Variants in HTT observed in about 807,000 individuals in gnomAD.
The protein encoded by HTT is huntingtin, also known as huntington disease protein.
In HTT, 104 loss-of-function variants were observed where a neutral mutation model predicts 362.3. That is an observed-to-expected ratio of 0.29 (90% CI 0.24 to 0.34). The LOEUF (loss-of-function observed/expected upper bound fraction) is 0.34, where lower values mean the gene tolerates loss of function less well. Among genes scored for constraint, HTT ranks in the 10% least tolerant of loss-of-function variants. The probability of loss-of-function intolerance (pLI) is 1.00; values close to 1 mark genes in which losing one functional copy is unlikely to be tolerated. For missense variants in HTT, 3,301 were observed against 3,928.6 expected (o/e 0.84, Z 4.27); for synonymous variants, 1,577 against 1,548.7 (o/e 1.02, Z -0.43).
chr4:3,211,277 T>G (rs1014461422), intron 47 of HTT, among the ~76,000 whole-genome samples: 3 of 152,248 alleles, frequency 2.0e-5, no homozygotes, highest in African/African-American at 7.2e-5. Flanking sequence ...GTGATCTGTT[T>G]ATTAGGTTTT....
chr4:3,222,263 AGGGACTCACTGCCCTT>A, intron 53 of HTT, 108 bp from the exon 54 acceptor site: 2 of 689,170 alleles, frequency 2.9e-6, no homozygotes, highest in Admixed American at 4.9e-5. Context: ...GTGAGGTTTA[AGGGACTCACTGCCCTT>A]GGCGTGGAGC....
rs148713555 is a variant in HTT at position 3,230,126 on chromosome 4, C to T, written c.8265+84C>T. On this transcript the variant is annotated intron_variant, in intron 60 of 66. Coordinates refer to ENST00000355072, the MANE Select transcript of HTT (RefSeq NM_001388492.1). The stretch of plus-strand genomic sequence containing the variant: ...GGGACCTGGTGTTGGCCAGAGGTGC[C>T]GGGTGCGGCTGCCTCCTTCCAAGAG... 57 of 1,212,388 alleles carry T rather than the reference C, an allele frequency of 4.7e-5. No individual in the cohort carries two copies. In the Middle Eastern group the frequency reaches 1.0e-3, roughly 22 times the overall value. The allele number at this position is 1,212,388 out of a possible 1,614,324, so 75.1% of individuals were successfully genotyped here. A position where few individuals can be genotyped will look rare whatever the true frequency, so the allele number is the denominator to read the frequency against.
At chr4:3,234,290 C>T (rs1012889126) in intron 61 of HTT, among the ~76,000 whole-genome samples, 3 of 152,244 alleles carry the variant, frequency 2.0e-5, no homozygotes, top group African/African-American at 7.2e-5. Context: ...TGCCCTCATC[C>T]AGGCCAGAGT....
intron 36 of HTT, among the ~76,000 whole-genome samples, 191 bp from the exon 37 acceptor site, chr4:3,182,163 G>A (rs749153252): frequency 5.3e-5 from 8 of 152,278 alleles, no homozygotes; most frequent in African/African-American, 9.6e-5. Flanking sequence ...CTTGTGTTTC[G>A]TTCTGATTCC....
chr4:3,127,186 C>A, intron 11 of HTT, 78 bp from the exon 12 acceptor site: 2 of 1,051,024 alleles, frequency 1.9e-6, no homozygotes, highest in South Asian at 1.4e-5. Context: ...TGGAACTGTT[C>A]GTTATTTTGC....
intron 47 of HTT, 104 bp downstream of exon 47, chr4:3,210,053 G>C: frequency 7.1e-7 from 1 of 1,417,196 alleles, no homozygotes; most frequent in Non-Finnish European, 9.7e-7. Flanking sequence ...AACACATGTT[G>C]GGGACTCCAG....
At chr4:3,226,354 A>G (rs959547292) in intron 57 of HTT, among the ~76,000 whole-genome samples, 1 of 152,184 alleles carries the variant, frequency 6.6e-6, no homozygotes. Flanking sequence ...CCTGTAATCT[A>G]TAACATTTTA....
Position 3,131,720 on chromosome 4 carries a change from G to T in HTT, c.2181G>T (p.Pro727=), listed in dbSNP as rs201616388. 1 of 1,614,000 alleles carries T rather than the reference G, an allele frequency of 6.2e-7. No individual in the cohort carries two copies. The highest frequency in any genetic ancestry group is 2.2e-5 in the East Asian group (1 of 44,890). ...TGGGAGCAGCTGTGGCCCTCCACCCGGAATCTTTCTTCAGCAAACTCTATA... is the reference window on the plus strand; with the variant it reads ...TGGGAGCAGCTGTGGCCCTCCACCCTGAATCTTTCTTCAGCAAACTCTATA... ...SCVGAAVALH[P]ESFFSKLYKV... Residue 727 remains proline, a synonymous_variant, in exon 16 of 67, where the codon CCG becomes CCT. Coordinates refer to ENST00000355072, the MANE Select transcript of HTT (RefSeq NM_001388492.1).
chr4:3,127,623 C>T lies in HTT; in HGVS notation c.1743+19C>T, dbSNP rs996314939. ...TGAAATTGTAAGTGGGCAGAGGGGC[C>T]TGACATCTTTTTTTTTATTTTTTAT... On this transcript the variant is annotated intron_variant, in intron 12 of 66. Transcript: ENST00000355072. 6.5e-6 allele frequency: 10 copies of T among 1,546,478 alleles called. No homozygotes were observed. The African/African-American group carries it at 9.6e-5, about 15-fold the overall frequency.
At chr4:3,094,224 G>A (rs1367075123) in intron 2 of HTT, among the ~76,000 whole-genome samples, 1 of 151,934 alleles carries the variant, frequency 6.6e-6, no homozygotes, top group Non-Finnish European at 1.5e-5. Context: ...CAGAGAGCAC[G>A]GGGTTGGGGG....
Position 3,113,504 on chromosome 4 carries a change from A to G in HTT, c.748-1800A>G, listed in dbSNP as rs531024049. ...ACCACCATGCCTGGCTAATGTTTGT[A>G]TTTTTAGTAGAGACGGGGTTTCACC... is the stretch of plus-strand genomic sequence containing the variant. On this transcript the variant is annotated intron_variant, in intron 6 of 66. Transcript: ENST00000355072. Among the ~76,000 whole-genome samples, 4 of 152,124 alleles carry G rather than the reference A, an allele frequency of 2.6e-5. No homozygotes were observed. The South Asian group carries it at 8.3e-4, about 32-fold the overall frequency.
rs778623401 is a variant in HTT at position 3,116,137 on chromosome 4, G to T, written c.942G>T (p.Val314=). 1.9e-6 allele frequency: 3 copies of T among 1,613,680 alleles called. No individual in the cohort carries two copies. In the African/African-American group the frequency reaches 4.0e-5, roughly 22 times the overall value. The change falls in exon 8 of 67, where the codon GTG becomes GTT. Residue 314 remains valine, a synonymous_variant. Coordinates refer to ENST00000355072, the MANE Select transcript of HTT (RefSeq NM_001388492.1). ...DEHSTLLILG[V]LLTLRYLVPL... The stretch of plus-strand genomic sequence containing the variant: ...ACTCCACTCTGCTGATTCTTGGCGT[G>T]CTGCTCACCCTGAGGTATTTGGTGC...
At chr4:3,234,013 A>G (rs1460155545) in intron 61 of HTT, among the ~76,000 whole-genome samples, 1 of 152,228 alleles carries the variant, frequency 6.6e-6, no homozygotes, top group African/African-American at 2.4e-5. Flanking sequence ...GTGGAATTTC[A>G]TCAGCCACCC....
intron 47 of HTT, 40 bp downstream of exon 47, chr4:3,209,989 TC>T: frequency 6.2e-7 from 1 of 1,605,074 alleles, no homozygotes; most frequent in South Asian, 1.1e-5. Context: ...CCTCAGCTTT[TC>T]TTGTGACTTC....
At chr4:3,215,701 G>A (rs556479686) in intron 51 of HTT, among the ~76,000 whole-genome samples, 3 of 150,932 alleles carry the variant, frequency 2.0e-5, no homozygotes, top group Non-Finnish European at 4.4e-5. Context: ...AGAAAATTCC[G>A]CTTTTCCTAC....
chr4:3,081,870 T>G (rs1712929326), intron 1 of HTT, among the ~76,000 whole-genome samples: 1 of 151,998 alleles, frequency 6.6e-6, no homozygotes, highest in Non-Finnish European at 1.5e-5. Flanking sequence ...AAAGCATTTC[T>G]TTTTTGGCTG....
chr4:3,100,971 C>T (rs1005412321), intron 3 of HTT, among the ~76,000 whole-genome samples: 1 of 152,202 alleles, frequency 6.6e-6, no homozygotes, highest in Non-Finnish European at 1.5e-5. Flanking sequence ...TCAAGTGATC[C>T]TCCCTCCTTG....
intron 3 of HTT, among the ~76,000 whole-genome samples, chr4:3,100,028 G>A (rs567379734): frequency 2.8e-4 from 43 of 152,282 alleles, no homozygotes; most frequent in Non-Finnish European, 4.1e-4. Context: ...GTCAGAAGGC[G>A]CTATGTTGAC....
chr4:3,167,332 G>A (rs1578554872), intron 29 of HTT, among the ~76,000 whole-genome samples: 2 of 152,190 alleles, frequency 1.3e-5, no homozygotes, highest in East Asian at 3.9e-4. Flanking sequence ...CAGCCTCCTA[G>A]AGTGCTGGGA....
Sources: allele counts gnomAD v4.1 joint callset (sites outside exome capture counted in the v4.1 genomes callset), GRCh38; gene constraint gnomAD v4.1.1; transcripts MANE v1.5; gene names NCBI Gene and HGNC (gene_info 2026-07-23, HGNC 2026-07-21).